Variants in FCHO2 observed in about 807,000 individuals in gnomAD.
FCHO2 encodes F-BAR domain only protein 2.
FCHO2 carries 43 observed loss-of-function variants against 114.1 expected under a neutral mutation model. The observed-to-expected ratio is 0.38, with a 90% CI of 0.30 to 0.49. FCHO2 has a LOEUF of 0.49. Among genes scored for constraint, FCHO2 ranks in the 20% least tolerant of loss-of-function variants. FCHO2 has a pLI of 0.97. For missense variants in FCHO2, 807 were observed against 950.4 expected, an observed-to-expected ratio of 0.85 and a Z score of 1.98; for synonymous variants, 293 against 315.2, an observed-to-expected ratio of 0.93 and a Z score of 0.75.
intron 23 of FCHO2, 116 bp downstream of exon 23, chr5:73,082,098 C>G (rs1743113971): frequency 1.2e-6 from 1 of 800,886 alleles, no homozygotes; most frequent in East Asian, 2.8e-5. Context: ...TGCCTTTTTC[C>G]ATAGAAACCA....
intron 5 of FCHO2, among the ~76,000 whole-genome samples, chr5:73,005,154 C>G (rs1261492536): frequency 6.6e-6 from 1 of 152,108 alleles, no homozygotes; most frequent in African/African-American, 2.4e-5. Context: ...TAAACAATTA[C>G]ATTTTAGAGA....
intron 9 of FCHO2, among the ~76,000 whole-genome samples, 199 bp from the exon 10 acceptor site, chr5:73,036,944 A>G (rs1282280523): frequency 2.6e-5 from 4 of 152,226 alleles, no homozygotes; most frequent in African/African-American, 4.8e-5. Flanking sequence ...ATCTTTTGAT[A>G]AACAATAGAC....
intron 2 of FCHO2, among the ~76,000 whole-genome samples, chr5:72,969,789 A>G (rs927863930): frequency 3.9e-5 from 6 of 152,190 alleles, no homozygotes; most frequent in Non-Finnish European, 8.8e-5. Flanking sequence ...TAGTATGTAT[A>G]ACTGTCTGAT....
intron 2 of FCHO2, among the ~76,000 whole-genome samples, chr5:72,974,516 A>C (rs1024259489): frequency 2.0e-5 from 3 of 151,004 alleles, no homozygotes; most frequent in Non-Finnish European, 4.4e-5. Context: ...TCAGAGACTA[A>C]GATTGCAACC....
At chr5:73,014,287 C>CTTTTTTTTTTTTTTTT (rs1755179284) in intron 6 of FCHO2, among the ~76,000 whole-genome samples, 2 of 147,556 alleles carry the variant, frequency 1.4e-5, no homozygotes, top group Admixed American at 6.8e-5. Context: ...TCTTTTTTTT[C>CTTTTTTTTTTTTTTTT]TTTTTCTTTT....
chr5:73,008,667 C>T (rs1158506793), intron 6 of FCHO2, among the ~76,000 whole-genome samples: 1 of 152,028 alleles, frequency 6.6e-6, no homozygotes, highest in Non-Finnish European at 1.5e-5. Flanking sequence ...ATTCCGAATC[C>T]GAAGAGCTCT....
At chr5:72,959,770 CTCT>C (rs1751749957) in intron 1 of FCHO2, among the ~76,000 whole-genome samples, 1 of 151,526 alleles carries the variant, frequency 6.6e-6, no homozygotes, top group African/African-American at 2.4e-5. Flanking sequence ...TCTCTCTCTT[CTCT>C]TCTTTCTTTT....
At chr5:73,024,734 G>A (rs1008173363) in intron 8 of FCHO2, among the ~76,000 whole-genome samples, 6 of 152,084 alleles carry the variant, frequency 3.9e-5, no homozygotes, top group Non-Finnish European at 7.4e-5. Context: ...ACCGCCCGCG[G>A]CCTAGCAGTG....
At chr5:72,988,127 A>G (rs547240563) in intron 2 of FCHO2, among the ~76,000 whole-genome samples, 8 of 152,294 alleles carry the variant, frequency 5.3e-5, no homozygotes, top group South Asian at 2.1e-4. Context: ...AGGTAAAACT[A>G]TAAGTTTTGT....
chr5:72,957,725 TAGC>T (rs1467893138), intron 1 of FCHO2, among the ~76,000 whole-genome samples: 9 of 152,222 alleles, frequency 5.9e-5, no homozygotes, highest in African/African-American at 1.9e-4. Flanking sequence ...GGTCAAATCG[TAGC>T]TCTATGTTTA....
At chr5:73,013,386 T>C (rs1470913228) in intron 6 of FCHO2, among the ~76,000 whole-genome samples, 1 of 152,132 alleles carries the variant, frequency 6.6e-6, no homozygotes, top group Non-Finnish European at 1.5e-5. Context: ...TTTCATAAAC[T>C]AACAAGATAA....
At chr5:72,965,090 T>C (rs1419388861) in intron 1 of FCHO2, among the ~76,000 whole-genome samples, 1 of 151,424 alleles carries the variant, frequency 6.6e-6, no homozygotes, top group Non-Finnish European at 1.5e-5. Flanking sequence ...CCACTGGGGG[T>C]TTTGAAACAT....
At position 73,081,971 on chromosome 5, in the gene FCHO2, C is replaced by T; in HGVS notation, c.2169C>T (p.Pro723=). Residue 723 remains proline (P), a synonymous_variant, in exon 23 of 26, where the codon CCC becomes CCT. Transcript: ENST00000430046. ...GAGTAACGAACATGCAGTCCCTTCC[C>T]CCTGCAATATGGTAAATTAAACATA... ...DGGVTNMQSL[P]PAIWNAEQMK... 1 of 1,523,556 alleles carries T rather than the reference C, an allele frequency of 6.6e-7. No homozygotes were observed. The highest frequency in any genetic ancestry group is 8.9e-7 in the Non-Finnish European group (1 of 1,129,870). 94.4% of individuals were successfully genotyped at this position (1,523,556 alleles called of 1,614,324 possible).
rs115019269 is a variant in FCHO2, at chr5:73,073,974, C to T, written c.1580-768C>T. 7.5e-3 allele frequency among the ~76,000 whole-genome samples: 1,135 copies of T among 152,048 alleles called. 9 individuals carry two copies. Among genetic ancestry groups the T allele is most frequent in the African/African-American group, 0.027 (1,105 of 41,492 alleles). On this transcript the variant is annotated intron_variant, in intron 19 of 25. Coordinates refer to ENST00000430046, the MANE Select transcript of FCHO2 (RefSeq NM_138782.3). Reference sequence around the variant, plus strand: ...AATCAGTAGCAGTAGCAGTAAGGCACGCAGTGGTAAGAAGAGTGCGTTTGT... The same window carrying T: ...AATCAGTAGCAGTAGCAGTAAGGCATGCAGTGGTAAGAAGAGTGCGTTTGT...
At chr5:72,981,393 A>G (rs1460400527) in intron 2 of FCHO2, among the ~76,000 whole-genome samples, 1 of 152,038 alleles carries the variant, frequency 6.6e-6, no homozygotes, top group Non-Finnish European at 1.5e-5. Flanking sequence ...CCTTCATTTC[A>G]ACCTTGGTGA....
chr5:72,983,799 T>G (rs1203445737), intron 2 of FCHO2, among the ~76,000 whole-genome samples: 1 of 152,072 alleles, frequency 6.6e-6, no homozygotes, highest in African/African-American at 2.4e-5. Context: ...TTTGCTGTTT[T>G]CGGTTTTTTT....
intron 9 of FCHO2, 46 bp from the exon 10 acceptor site, chr5:73,037,097 A>G: frequency 1.5e-6 from 2 of 1,321,272 alleles, no homozygotes; most frequent in South Asian, 1.4e-5. Flanking sequence ...TAATATGTTT[A>G]TCAGGAATGT....
At chr5:73,072,031 A>T (rs1351595655) in intron 19 of FCHO2, among the ~76,000 whole-genome samples, 5 of 144,538 alleles carry the variant, frequency 3.5e-5, no homozygotes, top group African/African-American at 5.0e-5. Context: ...CTCAAGAGAC[A>T]TTTTTTTTTT....
chr5:73,082,802 T>C lies in FCHO2; in HGVS notation c.2222T>C (p.Ile741Thr). Reference protein sequence around the residue: ...QMKAFWKLSSISEKSENGGSG... With the variant: ...QMKAFWKLSSTSEKSENGGSG... ...AAAGCCTTTTGGAAATTGTCTAGTATTTCAGAAAAATCAGAAAATGGAGGT... is the reference window on the plus strand; with the variant it reads ...AAAGCCTTTTGGAAATTGTCTAGTACTTCAGAAAAATCAGAAAATGGAGGT... Residue 741 changes from isoleucine (I) to threonine (T), a missense_variant, in exon 24 of 26, where the codon ATT becomes ACT. Coordinates refer to ENST00000430046, the MANE Select transcript of FCHO2 (RefSeq NM_138782.3). 1 of 1,607,226 alleles carries C rather than the reference T, an allele frequency of 6.2e-7. No individual in the cohort carries two copies.
Sources: gnomAD v4.1 joint callset for allele counts (sites outside exome capture counted in the v4.1 genomes callset) on GRCh38, gnomAD v4.1.1 for gene constraint, MANE v1.5 for transcripts, NCBI Gene and HGNC (gene_info 2026-07-23, HGNC 2026-07-21) for gene names.